COL19A1: variants seen among roughly 807,000 people sequenced by gnomAD.
The protein encoded by COL19A1 is collagen type XIX alpha 1 chain.
Under a neutral mutation model 190.2 loss-of-function variants are expected in COL19A1, and 159 were observed. The ratio of observed to expected loss-of-function variants is 0.84; its 90% CI spans 0.73 to 0.95. The LOEUF (loss-of-function observed/expected upper bound fraction) is 0.95, where lower values mean the gene tolerates loss of function less well. Ranked by LOEUF, COL19A1 falls within the 40% of genes least tolerant of loss-of-function variation. COL19A1 has a pLI of 0.00. For synonymous variants in COL19A1, 509 were observed against 458.9 expected, an observed-to-expected ratio of 1.11 and a Z score of -1.39; for missense variants, 1,418 against 1,431.9, an observed-to-expected ratio of 0.99 and a Z score of 0.16.
At chr6:70,130,437 G>T (rs1785453918) in intron 18 of COL19A1, among the ~76,000 whole-genome samples, 1 of 152,192 alleles carries the variant, frequency 6.6e-6, no homozygotes, top group Non-Finnish European at 1.5e-5. Flanking sequence ...TGTTGGCCAG[G>T]TTGGTCTTGG....
chr6:69,962,924 G>A, intron 11 of COL19A1, 54 bp downstream of exon 11: 3 of 1,420,736 alleles, frequency 2.1e-6, no homozygotes, highest in Admixed American at 1.8e-5. Flanking sequence ...TCTTGAAAAT[G>A]TTTTGAAATA....
chr6:70,096,668 A>G (rs959699686), intron 15 of COL19A1, among the ~76,000 whole-genome samples: 7 of 152,206 alleles, frequency 4.6e-5, no homozygotes, highest in African/African-American at 1.7e-4. Context: ...ACATAATCAC[A>G]AAACAAATTG....
intron 11 of COL19A1, among the ~76,000 whole-genome samples, chr6:70,005,130 C>T (rs1304974936): frequency 6.6e-6 from 1 of 152,160 alleles, no homozygotes; most frequent in African/African-American, 2.4e-5. Context: ...TATTATCCAT[C>T]TTCTGAAGCC....
chr6:70,146,053 G>T (rs79539288), intron 25 of COL19A1, among the ~76,000 whole-genome samples: 1 of 151,932 alleles, frequency 6.6e-6, no homozygotes, highest in African/African-American at 2.4e-5. Flanking sequence ...ATAAGCAAAG[G>T]GCTTTCTTCT....
intron 10 of COL19A1, among the ~76,000 whole-genome samples, chr6:69,961,015 C>A (rs1053682030): frequency 1.3e-5 from 2 of 152,102 alleles, no homozygotes; most frequent in Non-Finnish European, 1.5e-5. Context: ...ATTCCAGTTT[C>A]TTGGAGGGAC....
chr6:69,867,373 G>T (rs1432193302), intron 1 of COL19A1: 10 of 154,784 alleles, frequency 6.5e-5, no homozygotes, highest in Admixed American at 5.2e-4. Context: ...CGCCGTCCCC[G>T]CAGTCCTCCC....
Position 70,166,000 on chromosome 6 carries a change from G to A in COL19A1, c.2445+15G>A, listed in dbSNP as rs780359285. ...CTGGACCACCTGTGAGTTGTTCTAG[G>A]CTTAAAATTTAAAATTCATGTGTTT... is the stretch of plus-strand genomic sequence containing the variant. On this transcript the variant is annotated intron_variant, in intron 37 of 50. Coordinates refer to ENST00000620364, the MANE Select transcript of COL19A1 (RefSeq NM_001858.6). The A allele has an allele frequency of 1.9e-5, 30 of 1,612,412 alleles. No individual in the cohort carries two copies. Among genetic ancestry groups the A allele is most frequent in the Non-Finnish European group, 2.5e-5 (30 of 1,178,540 alleles).
At chr6:69,961,000 A>G (rs1365495682) in intron 10 of COL19A1, among the ~76,000 whole-genome samples, 2 of 152,148 alleles carry the variant, frequency 1.3e-5, no homozygotes, top group African/African-American at 2.4e-5. Flanking sequence ...CACAGAGACC[A>G]TTATATTCCA....
At chr6:70,140,876 A>T (rs995231028) in intron 19 of COL19A1, 78 bp from the exon 20 acceptor site, 3 of 1,387,502 alleles carry the variant, frequency 2.2e-6, no homozygotes, top group Non-Finnish European at 3.1e-6. Flanking sequence ...AGTTTGGCCT[A>T]TAGGGTTTAT....
chr6:69,894,996 C>T (rs1769619815), intron 2 of COL19A1, among the ~76,000 whole-genome samples: 1 of 152,190 alleles, frequency 6.6e-6, no homozygotes, highest in Non-Finnish European at 1.5e-5. Flanking sequence ...GAGGAAGAAC[C>T]TCTTATTCTT....
chr6:70,075,293 G>A (rs577362924), intron 15 of COL19A1, among the ~76,000 whole-genome samples: 13 of 152,124 alleles, frequency 8.5e-5, no homozygotes, highest in Admixed American at 5.2e-4. Context: ...TATGAAACTC[G>A]GTGGATAAAA....
At chr6:69,891,445 A>C (rs149395835) in intron 2 of COL19A1, among the ~76,000 whole-genome samples, 2 of 152,154 alleles carry the variant, frequency 1.3e-5, no homozygotes, top group Non-Finnish European at 2.9e-5. Flanking sequence ...CCAGGGATTC[A>C]GGATGCATTT....
chr6:69,948,263 T>C (rs1162604956), intron 9 of COL19A1, among the ~76,000 whole-genome samples: 1 of 151,928 alleles, frequency 6.6e-6, no homozygotes, highest in Non-Finnish European at 1.5e-5. Context: ...TGTTTGACTT[T>C]ATTGTGGGAT....
At chr6:70,116,871 T>C (rs1784610835) in intron 16 of COL19A1, among the ~76,000 whole-genome samples, 1 of 152,196 alleles carries the variant, frequency 6.6e-6, no homozygotes, top group South Asian at 2.1e-4. Context: ...GTTCTTGAAT[T>C]TAACTGAAAA....
At chr6:69,875,456 A>G (rs964053970) in intron 1 of COL19A1, among the ~76,000 whole-genome samples, 3 of 152,252 alleles carry the variant, frequency 2.0e-5, no homozygotes, top group African/African-American at 7.2e-5. Context: ...GTCAGAATTC[A>G]GTAATGAATG....
intron 14 of COL19A1, among the ~76,000 whole-genome samples, chr6:70,048,001 A>G (rs1377719990): frequency 4.6e-5 from 7 of 152,124 alleles, no homozygotes; most frequent in Admixed American, 4.6e-4. Flanking sequence ...GAAGTTATTA[A>G]ATACTCATCC....
intron 16 of COL19A1, among the ~76,000 whole-genome samples, chr6:70,112,627 CT>C (rs1784346934): frequency 6.6e-6 from 1 of 151,882 alleles, no homozygotes; most frequent in Non-Finnish European, 1.5e-5. Context: ...TTTTTTCTGC[CT>C]TAGAAAACAA....
chr6:69,929,745 TAA>T, intron 6 of COL19A1, 45 bp downstream of exon 6: 1 of 1,446,388 alleles, frequency 6.9e-7, no homozygotes, highest in Non-Finnish European at 9.3e-7. Flanking sequence ...AATTTCTAAG[TAA>T]AAAAAAAATC....
chr6:69,966,926 A>C (rs945415408), intron 11 of COL19A1, among the ~76,000 whole-genome samples: 18 of 152,338 alleles, frequency 1.2e-4, no homozygotes, highest in African/African-American at 4.3e-4. Context: ...AACAGCAAAT[A>C]GACAATGAAA....
Sources: allele counts gnomAD v4.1 joint callset (sites outside exome capture counted in the v4.1 genomes callset), GRCh38; gene constraint gnomAD v4.1.1; transcripts MANE v1.5; gene names NCBI Gene and HGNC (gene_info 2026-07-23, HGNC 2026-07-21).